LGR5: variants seen among roughly 807,000 people sequenced by gnomAD.
LGR5 encodes the protein leucine rich repeat containing G protein-coupled receptor 5.
In LGR5, 54 loss-of-function variants were observed where a neutral mutation model predicts 76.7. That is an observed-to-expected ratio of 0.70 (90% CI 0.57 to 0.88). The LOEUF is 0.88. LGR5 is among the 40% of genes least tolerant of loss of function. LGR5 has a pLI of 0.00. For missense variants in LGR5, 1,078 were observed against 1,073.3 expected, an observed-to-expected ratio of 1.00 and a Z score of -0.06; for synonymous variants, 406 against 421.9, an observed-to-expected ratio of 0.96 and a Z score of 0.46.
At chr12:71,566,522 C>G in intron 9 of LGR5, 47 bp downstream of exon 9, 2 of 1,533,582 alleles carry the variant, frequency 1.3e-6, no homozygotes, top group South Asian at 2.2e-5. Context: ...TACAGGGTTG[C>G]TGTGAAAAAC....
chr12:71,528,008 G>A (rs772210558), intron 3 of LGR5, among the ~76,000 whole-genome samples: 8 of 152,228 alleles, frequency 5.3e-5, no homozygotes, highest in South Asian at 2.1e-4. Flanking sequence ...GTATTGAAAC[G>A]TTTTATAAGA....
At chr12:71,551,009 A>G (rs1019125330) in intron 4 of LGR5, among the ~76,000 whole-genome samples, 1 of 152,212 alleles carries the variant, frequency 6.6e-6, no homozygotes, top group African/African-American at 2.4e-5. Flanking sequence ...GATGGTGTTG[A>G]ATTTTCTAAA....
At chr12:71,489,051 A>G (rs892740690) in intron 1 of LGR5, among the ~76,000 whole-genome samples, 2 of 152,196 alleles carry the variant, frequency 1.3e-5, no homozygotes, top group African/African-American at 4.8e-5. Context: ...TTCTAAAAAC[A>G]GACACACTAT....
intron 2 of LGR5, among the ~76,000 whole-genome samples, chr12:71,519,342 C>G (rs7302077): frequency 0.092 from 14,012 of 152,240 alleles, 702 homozygotes; most frequent in Non-Finnish European, 0.11. Flanking sequence ...ACCCATTGCT[C>G]TCTATCCCTT....
At chr12:71,514,555 A>G (rs1875341350) in intron 2 of LGR5, among the ~76,000 whole-genome samples, 1 of 136,870 alleles carries the variant, frequency 7.3e-6, no homozygotes, top group African/African-American at 2.7e-5. Context: ...GCGAAAGAGC[A>G]AGACTCCCTC....
At chr12:71,472,656 G>A (rs1873150744) in intron 1 of LGR5, among the ~76,000 whole-genome samples, 2 of 152,190 alleles carry the variant, frequency 1.3e-5, no homozygotes, top group African/African-American at 4.8e-5. Context: ...ATGGAAAATA[G>A]GCAAAGCCTT....
chr12:71,560,656 G>C (rs942493514), intron 7 of LGR5, among the ~76,000 whole-genome samples: 1 of 152,162 alleles, frequency 6.6e-6, no homozygotes, highest in African/African-American at 2.4e-5. Context: ...GCTGGGCCTC[G>C]TGGCACATGC....
At chr12:71,573,878 T>C (rs945260569) in intron 13 of LGR5, among the ~76,000 whole-genome samples, 1 of 151,190 alleles carries the variant, frequency 6.6e-6, no homozygotes, top group African/African-American at 2.4e-5. Context: ...CTTCTCTCAC[T>C]TTTGGTTGAA....
rs1158295656 is a variant in LGR5 at position 71,553,066 on chromosome 12, T to A, written c.429-7T>A. 6.2e-7 allele frequency: 1 copy of A among 1,613,404 alleles called. No homozygotes were observed. The highest frequency in any genetic ancestry group is 1.3e-5 in the African/African-American group (1 of 74,830). On this transcript the variant is annotated splice_region_variant and splice_polypyrimidine_tract_variant and intron_variant, in intron 4 of 17. Transcript: ENST00000266674. ...TCTTTTCCATTCTTGCTTTCTTTCT[T>A]CCACAGGCGTCTGGATGCTAACCAC...
rs2304270 is a variant in LGR5 at position 71,580,007 on chromosome 12, C to G, written c.1407-271C>G. 0.1 allele frequency among the ~76,000 whole-genome samples: 15,162 copies of G among 151,870 alleles called. 868 individuals carry two copies. The highest frequency in any genetic ancestry group is 0.14 in the African/African-American group (5,903 of 41,390). ...TTTTTCTTAGCAGCCTTTTTTTTAACCTTTTTATTTTGGAAATTTTCCATC... is the reference window on the plus strand; with the variant it reads ...TTTTTCTTAGCAGCCTTTTTTTTAAGCTTTTTATTTTGGAAATTTTCCATC... On this transcript the variant is annotated intron_variant, in intron 15 of 17. Coordinates refer to ENST00000266674, the MANE Select transcript of LGR5 (RefSeq NM_003667.4).
intron 1 of LGR5, among the ~76,000 whole-genome samples, chr12:71,462,421 G>A (rs1333771832): frequency 6.6e-6 from 1 of 152,062 alleles, no homozygotes; most frequent in African/African-American, 2.4e-5. Context: ...TGACCTTTCT[G>A]GCCTTATTTT....
rs1871711070 is a variant in LGR5, at chr12:71,440,406, G to GT, written c.212+117dup. ...GCCTGCTCGTGGGGGAGGGGGGCGA[G>GT]TTTGTCAAGGGCATCCTGGCCAGGC... On this transcript the variant is annotated intron_variant, in intron 1 of 17. Coordinates refer to ENST00000266674, the MANE Select transcript of LGR5 (RefSeq NM_003667.4). This position sits in a 1 kb window ranked among gnomAD's most constrained non-coding sequence, Gnocchi z 5.3. 1.0e-6 allele frequency: 1 copy of GT among 988,396 alleles called. No individual in the cohort carries two copies. The highest frequency in any genetic ancestry group is 1.5e-6 in the Non-Finnish European group (1 of 647,610). The allele number at this position is 988,396 out of a possible 1,614,324, so 61.2% of individuals were successfully genotyped here.
At chr12:71,478,861 A>G (rs967851981) in intron 1 of LGR5, among the ~76,000 whole-genome samples, 9 of 152,352 alleles carry the variant, frequency 5.9e-5, no homozygotes, top group Non-Finnish European at 8.8e-5. Context: ...GAACTCGTTA[A>G]TTATATTCTG....
chr12:71,480,360 CAAA>C (rs59288333), intron 1 of LGR5, among the ~76,000 whole-genome samples: 26 of 80,328 alleles, frequency 3.2e-4, no homozygotes, highest in Middle Eastern at 6.1e-3. Context: ...GACTCTGTCT[CAAA>C]AAAAAAAAAA....
chr12:71,584,923 G>T lies in LGR5; in HGVS notation c.*189G>T. ...GAGAGTGAATATAAGTCTAAATGCT[G>T]CTTTGTATAATTTGTTCAGCTAAGG... On this transcript the variant is annotated 3_prime_UTR_variant, in exon 18 of 18. Coordinates refer to ENST00000266674, the MANE Select transcript of LGR5 (RefSeq NM_003667.4). 1 of 593,386 alleles carries T rather than the reference G, an allele frequency of 1.7e-6. No individual in the cohort carries two copies. Among genetic ancestry groups the T allele is most frequent in the South Asian group, 2.3e-5 (1 of 43,414 alleles). 36.8% of individuals were successfully genotyped at this position (593,386 alleles called of 1,614,324 possible).
At chr12:71,471,299 G>A (rs1873092648) in intron 1 of LGR5, among the ~76,000 whole-genome samples, 1 of 152,144 alleles carries the variant, frequency 6.6e-6, no homozygotes, top group Non-Finnish European at 1.5e-5. Flanking sequence ...TCTACACAAT[G>A]GAAAATTATT....
intron 1 of LGR5, among the ~76,000 whole-genome samples, chr12:71,467,024 A>T (rs1756738538): frequency 6.6e-6 from 1 of 152,044 alleles, no homozygotes; most frequent in Admixed American, 6.5e-5. Flanking sequence ...TTTTTTTAAC[A>T]AAAATAGTCA....
chr12:71,513,383 G>A (rs1426826944), intron 2 of LGR5, among the ~76,000 whole-genome samples: 1 of 152,202 alleles, frequency 6.6e-6, no homozygotes, highest in Non-Finnish European at 1.5e-5. Context: ...TACAGCCATT[G>A]TGTCCCTGCA....
At chr12:71,527,567 C>G (rs1876078851) in intron 3 of LGR5, among the ~76,000 whole-genome samples, 1 of 152,128 alleles carries the variant, frequency 6.6e-6, no homozygotes, top group Non-Finnish European at 1.5e-5. Context: ...TGATTGTACT[C>G]CAAACATTTT....
Sources: allele counts gnomAD v4.1 joint callset (sites outside exome capture counted in the v4.1 genomes callset), GRCh38; gene constraint gnomAD v4.1.1; non-coding constraint Gnocchi (gnomAD v3.1); transcripts MANE v1.5; gene names NCBI Gene and HGNC (gene_info 2026-07-23, HGNC 2026-07-21).